The following GOLGA5 variants were observed in gnomAD, a reference collection of about 807,000 sequenced individuals.
GOLGA5 encodes golgin subfamily A member 5.
In GOLGA5, 50 loss-of-function variants were observed where a neutral mutation model predicts 93.5. The observed-to-expected ratio is 0.53, with a 90% CI of 0.43 to 0.68. GOLGA5 has a LOEUF of 0.68. Ranked by LOEUF, GOLGA5 falls within the 30% of genes least tolerant of loss-of-function variation. GOLGA5 has a pLI of 0.00. For missense variants in GOLGA5, 760 were observed against 856.4 expected (o/e 0.89, Z 1.40); for synonymous variants, 312 against 304.5 (o/e 1.02, Z -0.26).
intron 9 of GOLGA5, among the ~76,000 whole-genome samples, chr14:92,831,982 TAG>T (rs1885540560): frequency 6.6e-6 from 1 of 152,208 alleles, no homozygotes; most frequent in African/African-American, 2.4e-5. Flanking sequence ...GTTTTAAACT[TAG>T]ATCAAACTTT....
chr14:92,833,286 C>G lies in GOLGA5; in HGVS notation c.1884C>G (p.Ser628=). ...QLERLEQQMN[S]ASGSSSNGSS... ...AGCGCCTCGAACAGCAGATGAACTC[C>G]GCCTCTGGAAGTAGTAGTAATGGGT... The change falls in exon 10 of 13, where the codon TCC becomes TCG. Residue 628 remains serine (S), a synonymous_variant. Transcript: ENST00000163416. The G allele has an allele frequency of 6.2e-7, 1 of 1,613,860 alleles. No homozygotes were observed.
At position 92,797,519 on chromosome 14, in the gene GOLGA5, A is replaced by G; in HGVS notation, c.82A>G (p.Arg28Gly). 3 of 1,613,292 alleles carry G rather than the reference A, an allele frequency of 1.9e-6. No homozygotes were observed. The highest frequency in any genetic ancestry group is 2.5e-6 in the Non-Finnish European group (3 of 1,179,188). The change falls in exon 2 of 13, where the codon AGG becomes GGG. Residue 28 changes from arginine (R) to glycine (G), a missense_variant. Transcript: ENST00000163416. ...TCAAGGGGCTGCAACAGCTCTCAGT[A>G]GGAAAGACAATGCCAGCAACATATA... ...VDQGAATALSRKDNASNIYSK... is the reference protein window; with the variant it reads ...VDQGAATALSGKDNASNIYSK...
chr14:92,811,569 C>G lies in GOLGA5; in HGVS notation c.1135C>G (p.Leu379Val). Reference sequence around the variant, plus strand: ...GTCACAGAGCGAGTTTGCTGCACGCCTTAATAAAGTGGAAATGGAACGTCA... The same window carrying G: ...GTCACAGAGCGAGTTTGCTGCACGCGTTAATAAAGTGGAAATGGAACGTCA... ...KQMQSEFAARLNKVEMERQNL... is the reference protein window; with the variant it reads ...KQMQSEFAARVNKVEMERQNL... Residue 379 changes from leucine (L) to valine (V), a missense_variant, in exon 6 of 13, where the codon CTT becomes GTT. Coordinates refer to ENST00000163416, the MANE Select transcript of GOLGA5 (RefSeq NM_005113.4). 2 of 1,611,474 alleles carry G rather than the reference C, an allele frequency of 1.2e-6. No individual in the cohort carries two copies. Among genetic ancestry groups the G allele is most frequent in the African/African-American group, 2.7e-5 (2 of 74,956 alleles).
At chr14:92,807,030 T>A in intron 3 of GOLGA5, 67 bp downstream of exon 3, 1 of 1,099,532 alleles carries the variant, frequency 9.1e-7, no homozygotes, top group Non-Finnish European at 1.4e-6. Context: ...CTGGACGCAG[T>A]GGCTCGTGCC....
intron 10 of GOLGA5, among the ~76,000 whole-genome samples, chr14:92,833,887 T>C (rs1320742180): frequency 2.0e-5 from 3 of 152,146 alleles, no homozygotes; most frequent in Non-Finnish European, 2.9e-5. Flanking sequence ...TTAAATTATT[T>C]CTTTTAATAA....
chr14:92,808,234 G>A (rs376457244), intron 3 of GOLGA5, among the ~76,000 whole-genome samples: 55 of 151,924 alleles, frequency 3.6e-4, no homozygotes, highest in Admixed American at 9.2e-4. Context: ...GCTACAGAGC[G>A]AGACTCGTCT....
Position 92,797,495 on chromosome 14 carries a change from C to A in GOLGA5, c.58C>A (p.Gln20Lys), listed in dbSNP as rs1177518028. The A allele has an allele frequency of 6.2e-7, 1 of 1,613,358 alleles. No individual in the cohort carries two copies. The change falls in exon 2 of 13, where the codon CAA (glutamine) becomes AAA (lysine). Residue 20 changes from glutamine (Q) to lysine (K), a missense_variant. Gln to Lys is a moderately conservative substitution (Grantham distance 53). Transcript: ENST00000163416. ...KAEDLLNRVD[Q>K]GAATALSRKD... ...AGAAGATCTTTTAAACCGAGTTGAT[C>A]AAGGGGCTGCAACAGCTCTCAGTAG...
intron 9 of GOLGA5, among the ~76,000 whole-genome samples, chr14:92,830,505 T>G (rs1885508315): frequency 1.3e-5 from 2 of 152,266 alleles, no homozygotes; most frequent in African/African-American, 2.4e-5. Context: ...GCCAAAAGAT[T>G]AGACATCCCT....
chr14:92,824,455 G>A (rs1885374408), intron 8 of GOLGA5, 91 bp from the exon 9 acceptor site: 1 of 674,028 alleles, frequency 1.5e-6, no homozygotes, highest in Non-Finnish European at 2.7e-6. Context: ...CATACTGATT[G>A]TCTACCATGT....
intron 9 of GOLGA5, among the ~76,000 whole-genome samples, chr14:92,825,797 A>G (rs537723222): frequency 1.2e-4 from 17 of 145,594 alleles, no homozygotes; most frequent in Non-Finnish European, 2.2e-4. Context: ...TCAAGGCTGC[A>G]GTGAGCTCTC....
intron 2 of GOLGA5, among the ~76,000 whole-genome samples, chr14:92,805,862 TA>T (rs1284884834): frequency 6.6e-6 from 1 of 151,988 alleles, no homozygotes; most frequent in Non-Finnish European, 1.5e-5. Context: ...TTTCATCACA[TA>T]ATTTTTAGAG....
At chr14:92,796,947 G>A (rs1199722944) in intron 1 of GOLGA5, among the ~76,000 whole-genome samples, 2 of 116,066 alleles carry the variant, frequency 1.7e-5, no homozygotes, top group African/African-American at 3.6e-5. Context: ...TCCGCAGTCC[G>A]GCCTGGGCGA....
At chr14:92,818,499 C>T (rs1047048865) in intron 7 of GOLGA5, among the ~76,000 whole-genome samples, 1 of 152,204 alleles carries the variant, frequency 6.6e-6, no homozygotes, top group African/African-American at 2.4e-5. Flanking sequence ...TACTGCCTGC[C>T]TCTCAAGAAT....
At chr14:92,798,058 C>A in intron 2 of GOLGA5, 77 bp downstream of exon 2, 2 of 951,788 alleles carry the variant, frequency 2.1e-6, no homozygotes, top group Non-Finnish European at 3.2e-6. Flanking sequence ...TGGTGTTTCT[C>A]ATCTACTGTT....
chr14:92,814,165 A>G (rs1885156769), intron 6 of GOLGA5, among the ~76,000 whole-genome samples: 1 of 152,164 alleles, frequency 6.6e-6, no homozygotes. Context: ...TTTAGGCAAG[A>G]GCGATGTGTA....
rs80239562 is a variant in GOLGA5 at position 92,814,266 on chromosome 14, A to C, written c.1321-1985A>C. 6.3e-3 allele frequency among the ~76,000 whole-genome samples: 958 copies of C among 152,286 alleles called. 14 individuals carry two copies. Among genetic ancestry groups the C allele is most frequent in the South Asian group, 0.062 (297 of 4,826 alleles). ...CAAAAGGATAGCCTGCAAAAGAAAA[A>C]TACTGAGAAGGTGAGTGGTCAGAGA... is the stretch of plus-strand genomic sequence containing the variant. On this transcript the variant is annotated intron_variant, in intron 6 of 12. Transcript: ENST00000163416.
chr14:92,806,328 G>T (rs1051246998), intron 2 of GOLGA5, among the ~76,000 whole-genome samples: 2 of 151,948 alleles, frequency 1.3e-5, no homozygotes, highest in Non-Finnish European at 2.9e-5. Flanking sequence ...TATTTTTTTT[G>T]AGATGGAGTC....
chr14:92,835,284 T>C (rs1345038908), intron 10 of GOLGA5, among the ~76,000 whole-genome samples: 2 of 152,376 alleles, frequency 1.3e-5, no homozygotes, highest in Non-Finnish European at 2.9e-5. Context: ...CCCATTAATA[T>C]TGACTCTTGT....
chr14:92,803,195 G>A (rs1055602801), intron 2 of GOLGA5, among the ~76,000 whole-genome samples: 26 of 152,052 alleles, frequency 1.7e-4, no homozygotes, highest in African/African-American at 5.1e-4. Context: ...ACCGCCATGC[G>A]TAGGTAATTT....
Sources: gnomAD v4.1 joint callset for allele counts (sites outside exome capture counted in the v4.1 genomes callset) on GRCh38, gnomAD v4.1.1 for gene constraint, MANE v1.5 for transcripts, NCBI Gene and HGNC (gene_info 2026-07-23, HGNC 2026-07-21) for gene names.